LPP: variants seen among roughly 807,000 people sequenced by gnomAD.
LPP encodes LIM domain containing preferred translocation partner in lipoma, also known as lipoma-preferred partner.
In LPP, 38 loss-of-function variants were observed where a neutral mutation model predicts 60.4. The observed-to-expected ratio is 0.63, with a 90% CI of 0.49 to 0.83. The LOEUF (loss-of-function observed/expected upper bound fraction) is 0.83, where lower values mean the gene tolerates loss of function less well. LPP is among the 40% of genes least tolerant of loss of function. LPP has a pLI of 0.00. For synonymous variants in LPP, 328 were observed against 290.8 expected (o/e 1.13, Z -1.30); for missense variants, 902 against 783.6 (o/e 1.15, Z -1.80).
intron 1 of LPP, among the ~76,000 whole-genome samples, chr3:188,210,448 T>A (rs569360993): frequency 6.6e-6 from 1 of 152,142 alleles, no homozygotes; most frequent in Non-Finnish European, 1.5e-5. Context: ...GATGGAAAGA[T>A]GGAATTTGCA....
At chr3:188,184,639 G>A (rs545638807) in intron 1 of LPP, among the ~76,000 whole-genome samples, 1 of 151,562 alleles carries the variant, frequency 6.6e-6, no homozygotes, top group South Asian at 2.1e-4. Flanking sequence ...GAATTGAAGA[G>A]TGAGCCTCCT....
chr3:188,350,486 A>G (rs568905200), intron 3 of LPP, among the ~76,000 whole-genome samples: 1 of 152,364 alleles, frequency 6.6e-6, no homozygotes, highest in Non-Finnish European at 1.5e-5. Context: ...ACTGGGCATC[A>G]ATCACAGACA....
chr3:188,556,791 A>C (rs1203212600), intron 6 of LPP, among the ~76,000 whole-genome samples: 6 of 133,430 alleles, frequency 4.5e-5, no homozygotes, highest in Admixed American at 7.7e-5. Flanking sequence ...CAGGTTTCTG[A>C]ATGCCCTGGT....
Position 188,699,154 on chromosome 3 carries a change from A to G in LPP, c.1114-9113A>G, listed in dbSNP as rs548430017. ...ATATGAGAAAATCAACAATAGAAAA[A>G]GAAATCACTGGAGAACTTAAGTAGT... is the stretch of plus-strand genomic sequence containing the variant. On this transcript the variant is annotated intron_variant, in intron 7 of 11. Coordinates refer to ENST00000617246, the MANE Select transcript of LPP (RefSeq NM_001375462.1). Among the ~76,000 whole-genome samples the G allele has an allele frequency of 1.3e-3, 193 of 152,366 alleles. 1 individual carries two copies. The highest frequency in any genetic ancestry group is 4.2e-3 in the African/African-American group (175 of 41,582).
chr3:188,321,121 G>A (rs1756828839), intron 2 of LPP, among the ~76,000 whole-genome samples: 1 of 152,114 alleles, frequency 6.6e-6, no homozygotes, highest in African/African-American at 2.4e-5. Flanking sequence ...GGGAGAACTG[G>A]GTCTGCCTGT....
chr3:188,564,500 A>G (rs1417681635), intron 6 of LPP, among the ~76,000 whole-genome samples: 5 of 151,976 alleles, frequency 3.3e-5, no homozygotes, highest in Admixed American at 3.3e-4. Context: ...TCATTTTTTA[A>G]AACCATAATA....
chr3:188,623,579 A>G (rs554703250), intron 7 of LPP, among the ~76,000 whole-genome samples: 62 of 152,206 alleles, frequency 4.1e-4, no homozygotes, highest in African/African-American at 9.6e-4. Flanking sequence ...AAACATCTTG[A>G]TTTTTTACTG....
At chr3:188,520,099 C>T (rs1179753943) in intron 5 of LPP, among the ~76,000 whole-genome samples, 1 of 152,170 alleles carries the variant, frequency 6.6e-6, no homozygotes, top group Non-Finnish European at 1.5e-5. Flanking sequence ...GCTGGCAGCA[C>T]TTATTATGAT....
chr3:188,219,824 A>G lies in LPP; in HGVS notation c.-189-5581A>G, dbSNP rs973893132. ...CTTTCTCACCTTCATGCCTTAGCAC[A>G]TGCCTTTCCTTTAGCCTGAGATAAC... On this transcript the variant is annotated intron_variant, in intron 1 of 11. Transcript: ENST00000617246. 4.6e-5 allele frequency among the ~76,000 whole-genome samples: 7 copies of G among 152,154 alleles called. No individual in the cohort carries two copies. The South Asian group carries it at 8.3e-4, about 18-fold the overall frequency.
chr3:188,860,764 C>T lies in LPP; in HGVS notation c.1411-5436C>T, dbSNP rs1054057195. Among the ~76,000 whole-genome samples, 25 of 152,292 alleles carry T rather than the reference C, an allele frequency of 1.6e-4. 1 individual carries two copies. The highest frequency in any genetic ancestry group is 1.4e-3 in the Admixed American group (22 of 15,294). On this transcript the variant is annotated intron_variant, in intron 9 of 11. Coordinates refer to ENST00000617246, the MANE Select transcript of LPP (RefSeq NM_001375462.1). Reference sequence around the variant, plus strand: ...GTTGTAGATGCTTGGGATCCAACGACGAGTTTTCTCTTGTCCTATAGGAGT... The same window carrying T: ...GTTGTAGATGCTTGGGATCCAACGATGAGTTTTCTCTTGTCCTATAGGAGT...
chr3:188,854,623 T>C (rs1055747724), intron 9 of LPP, among the ~76,000 whole-genome samples: 3 of 152,350 alleles, frequency 2.0e-5, no homozygotes, highest in East Asian at 1.9e-4. Flanking sequence ...AGTTAGCTCA[T>C]GGCCCTCTGG....
At chr3:188,181,318 A>G (rs1200425825) in intron 1 of LPP, among the ~76,000 whole-genome samples, 4 of 147,990 alleles carry the variant, frequency 2.7e-5, no homozygotes, top group African/African-American at 1.0e-4. Flanking sequence ...GTATCACTGC[A>G]CTCCAGCCTG....
chr3:188,537,761 C>T lies in LPP; in HGVS notation c.429+12974C>T, dbSNP rs552019839. On this transcript the variant is annotated intron_variant, in intron 6 of 11. Transcript: ENST00000617246. ...GAATTGACAAACATCCTTAAATTCA[C>T]GGATGTTCAAGAGACCCAGAATTGC... 1.7e-4 allele frequency among the ~76,000 whole-genome samples: 26 copies of T among 152,248 alleles called. No individual in the cohort carries two copies. In the East Asian group the frequency reaches 2.7e-3, roughly 16 times the overall value.
At chr3:188,158,665 T>C (rs989911450) in intron 1 of LPP, among the ~76,000 whole-genome samples, 1 of 152,238 alleles carries the variant, frequency 6.6e-6, no homozygotes, top group African/African-American at 2.4e-5. Context: ...ATTATCATAT[T>C]GATTCATTAA....
intron 3 of LPP, among the ~76,000 whole-genome samples, chr3:188,375,071 T>C (rs1164028098): frequency 6.6e-6 from 1 of 152,172 alleles, no homozygotes; most frequent in African/African-American, 2.4e-5. Flanking sequence ...TTGATCATGG[T>C]GGATAAGCTT....
chr3:188,423,999 CT>C (rs1788607261), intron 4 of LPP, among the ~76,000 whole-genome samples: 2 of 151,968 alleles, frequency 1.3e-5, no homozygotes, highest in South Asian at 4.1e-4. Context: ...GTTGCCATTG[CT>C]TTTGGTGTTT....
At chr3:188,267,731 C>A (rs1476376550) in intron 2 of LPP, among the ~76,000 whole-genome samples, 3 of 152,198 alleles carry the variant, frequency 2.0e-5, no homozygotes, top group Non-Finnish European at 4.4e-5. Flanking sequence ...GAAGATGTGT[C>A]CAGTAAGAGA....
intron 2 of LPP, among the ~76,000 whole-genome samples, chr3:188,292,971 G>C (rs968777570): frequency 1.3e-5 from 2 of 152,148 alleles, no homozygotes; most frequent in Non-Finnish European, 2.9e-5. Flanking sequence ...TGTCTCTACT[G>C]TGTAATAATT....
chr3:188,403,200 G>A (rs1260108935), intron 3 of LPP, among the ~76,000 whole-genome samples: 1 of 152,172 alleles, frequency 6.6e-6, no homozygotes, highest in Non-Finnish European at 1.5e-5. Flanking sequence ...TGAAATGACT[G>A]TGGAGCCAAT....
Sources: allele counts gnomAD v4.1 joint callset (sites outside exome capture counted in the v4.1 genomes callset), GRCh38; gene constraint gnomAD v4.1.1; transcripts MANE v1.5; gene names NCBI Gene and HGNC (gene_info 2026-07-23, HGNC 2026-07-21).